GALNT17: variants seen among roughly 807,000 people sequenced by gnomAD.
The protein encoded by GALNT17 is UDP-GalNAc:polypeptide N-acetylgalactosaminyltransferase-like 3.
GALNT17 carries 29 observed loss-of-function variants against 63.7 expected under a neutral mutation model. That is an observed-to-expected ratio of 0.46 (90% confidence interval 0.34 to 0.62). The LOEUF (loss-of-function observed/expected upper bound fraction) is 0.62. Ranked by LOEUF, GALNT17 falls within the 20% of genes least tolerant of loss-of-function variation. GALNT17 has a pLI of 0.01. For synonymous variants in GALNT17, 305 were observed against 318.3 expected (o/e 0.96, Z 0.45); for missense variants, 603 against 799.6 (o/e 0.75, Z 2.97).
At chr7:71,478,929 G>A (rs1483714785) in intron 5 of GALNT17, among the ~76,000 whole-genome samples, 4 of 152,146 alleles carry the variant, frequency 2.6e-5, no homozygotes, top group African/African-American at 4.8e-5. Context: ...CCTTTTCTCT[G>A]AAACTAGCTC....
rs78369539 is a variant in GALNT17, at chr7:71,539,425, C to G, written c.963-31860C>G. 5.9e-5 allele frequency among the ~76,000 whole-genome samples: 9 copies of G among 152,340 alleles called. No homozygotes were observed. In the East Asian group the frequency reaches 1.5e-3, roughly 26 times the overall value. On this transcript the variant is annotated intron_variant, in intron 5 of 10. Coordinates refer to ENST00000333538, the MANE Select transcript of GALNT17 (RefSeq NM_022479.3). ...TAAGCTCAAAACCCCTTATCTCACT[C>G]TCTTCCTTTGAACAGCTTGGTGTAG...
chr7:71,470,340 G>C (rs1787607328), intron 5 of GALNT17, among the ~76,000 whole-genome samples: 1 of 152,140 alleles, frequency 6.6e-6, no homozygotes. Context: ...AGGATGTTTG[G>C]TTGGTGGGTT....
intron 5 of GALNT17, among the ~76,000 whole-genome samples, chr7:71,480,388 T>G (rs895941380): frequency 3.4e-4 from 52 of 152,188 alleles, no homozygotes; most frequent in African/African-American, 1.2e-3. Flanking sequence ...GCAGGGTCTC[T>G]GCAGTCAGTC....
intron 5 of GALNT17, among the ~76,000 whole-genome samples, chr7:71,484,285 C>T (rs371308655): frequency 6.6e-6 from 1 of 152,094 alleles, no homozygotes; most frequent in Non-Finnish European, 1.5e-5. Flanking sequence ...GTCAGGAGTT[C>T]AAGACCAGCC....
intron 2 of GALNT17, among the ~76,000 whole-genome samples, chr7:71,360,226 G>A (rs914606318): frequency 1.3e-5 from 2 of 152,186 alleles, no homozygotes; most frequent in African/African-American, 4.8e-5. Context: ...TATCTTAGCT[G>A]TTTTATAAGG....
intron 1 of GALNT17, among the ~76,000 whole-genome samples, chr7:71,192,710 T>G (rs1462649178): frequency 6.6e-6 from 1 of 152,174 alleles, no homozygotes; most frequent in East Asian, 1.9e-4. Flanking sequence ...ATTTAACTCT[T>G]AACTGCCAAA....
chr7:71,231,439 G>A (rs1318367685), intron 1 of GALNT17, among the ~76,000 whole-genome samples: 1 of 152,162 alleles, frequency 6.6e-6, no homozygotes, highest in African/African-American at 2.4e-5. Context: ...AGAAGTGCAA[G>A]TCCAGAGCTT....
chr7:71,621,549 GGATA>G (rs1162029880), intron 6 of GALNT17, among the ~76,000 whole-genome samples: 3,184 of 135,644 alleles, frequency 0.023, 67 homozygotes, highest in African/African-American at 0.034. Context: ...ATGGATTGAT[GGATA>G]GATGGATGGA....
At chr7:71,607,523 G>A (rs58904626) in intron 6 of GALNT17, among the ~76,000 whole-genome samples, 55,693 of 151,944 alleles carry the variant, frequency 0.37, 10,772 homozygotes, top group Non-Finnish European at 0.43. Context: ...AAACAGGGTG[G>A]CAGGTAATAA....
intron 6 of GALNT17, among the ~76,000 whole-genome samples, chr7:71,577,143 T>C (rs1348686871): frequency 6.6e-6 from 1 of 152,188 alleles, no homozygotes; most frequent in Non-Finnish European, 1.5e-5. Flanking sequence ...TTCTCACTTA[T>C]ACGTGGGAAC....
intron 1 of GALNT17, among the ~76,000 whole-genome samples, chr7:71,211,265 G>T (rs1789372136): frequency 6.6e-6 from 1 of 152,162 alleles, no homozygotes; most frequent in Non-Finnish European, 1.5e-5. Context: ...TCTCATGATA[G>T]TGAATAAGTC....
intron 6 of GALNT17, among the ~76,000 whole-genome samples, chr7:71,575,574 G>A (rs1157756243): frequency 1.3e-5 from 2 of 151,982 alleles, no homozygotes; most frequent in Non-Finnish European, 2.9e-5. Flanking sequence ...ACTTTTAGTA[G>A]AGACAGGGTT....
chr7:71,558,067 C>CT (rs760345844), intron 5 of GALNT17, among the ~76,000 whole-genome samples: 28 of 152,274 alleles, frequency 1.8e-4, no homozygotes, highest in Middle Eastern at 3.4e-3. Context: ...GAGCGAGACT[C>CT]TGTCTCAAAA....
intron 6 of GALNT17, among the ~76,000 whole-genome samples, chr7:71,613,257 A>G (rs934609614): frequency 6.6e-6 from 1 of 152,206 alleles, no homozygotes; most frequent in African/African-American, 2.4e-5. Context: ...TAAAAGTTCA[A>G]AGAAGAAAGC....
chr7:71,651,942 C>T (rs1001568801), intron 6 of GALNT17, among the ~76,000 whole-genome samples: 4 of 151,914 alleles, frequency 2.6e-5, no homozygotes, highest in South Asian at 2.1e-4. Context: ...CTCAAGCAAT[C>T]CCCCCCAGCT....
chr7:71,329,946 C>CATATGTGTGTGTGTATATATATACGT (rs1791776823), intron 1 of GALNT17, among the ~76,000 whole-genome samples: 2 of 149,074 alleles, frequency 1.3e-5, no homozygotes, highest in Admixed American at 6.6e-5. Context: ...TATATACACA[C>CATATGTGTGTGTGTATATATATACGT]ATATGTGTGT....
intron 9 of GALNT17, among the ~76,000 whole-genome samples, chr7:71,703,044 A>G (rs893542602): frequency 3.9e-5 from 6 of 152,226 alleles, no homozygotes; most frequent in Admixed American, 6.5e-5. Context: ...TGGTTTGGAG[A>G]TAGAAGTTTC....
At chr7:71,193,454 CT>C (rs1159902249) in intron 1 of GALNT17, among the ~76,000 whole-genome samples, 15,036 of 107,138 alleles carry the variant, frequency 0.14, 908 homozygotes, top group African/African-American at 0.24. Flanking sequence ...ACGCTTTTGT[CT>C]TTTTTTTTTT....
chr7:71,482,536 C>T (rs1232697918), intron 5 of GALNT17, among the ~76,000 whole-genome samples: 1 of 152,182 alleles, frequency 6.6e-6, no homozygotes, highest in Non-Finnish European at 1.5e-5. Flanking sequence ...CCCTAAGTGG[C>T]CTAGCCTATT....
Sources: allele counts gnomAD v4.1 joint callset (sites outside exome capture counted in the v4.1 genomes callset), GRCh38; gene constraint gnomAD v4.1.1; transcripts MANE v1.5; gene names NCBI Gene and HGNC (gene_info 2026-07-23, HGNC 2026-07-21).